PAH: variants seen among roughly 807,000 people sequenced by gnomAD.
PAH encodes phenylalanine-4-hydroxylase.
A neutral mutation model predicts 62.0 loss-of-function variants in PAH; 64 were observed. That is an observed-to-expected ratio of 1.03 (90% confidence interval 0.84 to 1.27). The LOEUF (loss-of-function observed/expected upper bound fraction) is 1.27. Among genes scored for constraint, PAH ranks in the 50% most tolerant of loss-of-function variants. The pLI, the probability that PAH is intolerant of heterozygous loss-of-function variation, is 0.00. For missense variants in PAH, 579 were observed against 542.8 expected, an observed-to-expected ratio of 1.07 and a Z score of -0.66; for synonymous variants, 195 against 196.2, an observed-to-expected ratio of 0.99 and a Z score of 0.05.
chr12:102,956,581 C>G (rs988806542), intron 1 of PAH, among the ~76,000 whole-genome samples: 7 of 152,184 alleles, frequency 4.6e-5, no homozygotes, highest in African/African-American at 1.7e-4. Flanking sequence ...GCCGAAGAAC[C>G]AGGAATCCCC....
intron 4 of PAH, among the ~76,000 whole-genome samples, chr12:102,869,973 T>G (rs904658168): frequency 6.6e-6 from 1 of 152,220 alleles, no homozygotes; most frequent in Non-Finnish European, 1.5e-5. Flanking sequence ...GCAGCAATTT[T>G]AGTTGCACTG....
At chr12:102,881,967 G>A (rs1876828573) in intron 3 of PAH, among the ~76,000 whole-genome samples, 1 of 152,122 alleles carries the variant, frequency 6.6e-6, no homozygotes, top group Non-Finnish European at 1.5e-5. Flanking sequence ...TTTCCTTTGA[G>A]TATATACTCA....
At chr12:102,932,659 A>G (rs1878927673) in intron 1 of PAH, among the ~76,000 whole-genome samples, 1 of 152,246 alleles carries the variant, frequency 6.6e-6, no homozygotes, top group South Asian at 2.1e-4. Flanking sequence ...ACAGGTGTAT[A>G]TAGAACATCT....
At chr12:102,854,928 T>C (rs966041829) in intron 6 of PAH, 4 of 632,864 alleles carry the variant, frequency 6.3e-6, no homozygotes, top group Non-Finnish European at 1.2e-5. Flanking sequence ...AGGTGTTTGA[T>C]TGAATGAAAG....
intron 4 of PAH, among the ~76,000 whole-genome samples, chr12:102,870,641 A>G (rs1034842717): frequency 6.6e-6 from 1 of 152,210 alleles, no homozygotes; most frequent in Non-Finnish European, 1.5e-5. Flanking sequence ...CATCTACAGA[A>G]TTCTTACCTT....
intron 3 of PAH, among the ~76,000 whole-genome samples, chr12:102,878,825 C>A (rs766541241): frequency 1.3e-5 from 2 of 152,116 alleles, no homozygotes; most frequent in Non-Finnish European, 2.9e-5. Context: ...CTATTTCTGA[C>A]GTACCTTCAA....
At chr12:102,878,754 T>C (rs1246362596) in intron 3 of PAH, among the ~76,000 whole-genome samples, 1 of 152,040 alleles carries the variant, frequency 6.6e-6, no homozygotes, top group Non-Finnish European at 1.5e-5. Flanking sequence ...CCTGGTTGTG[T>C]TAACATTTAA....
intron 6 of PAH, among the ~76,000 whole-genome samples, chr12:102,854,026 A>C (rs1040473835): frequency 3.3e-5 from 5 of 152,120 alleles, no homozygotes; most frequent in Admixed American, 3.3e-4. Context: ...TATTATTCTT[A>C]TTATTGGCCA....
At chr12:102,878,099 A>G (rs2136680057) in intron 3 of PAH, among the ~76,000 whole-genome samples, 1 of 152,324 alleles carries the variant, frequency 6.6e-6, no homozygotes, top group Non-Finnish European at 1.5e-5. Context: ...TGCTGGGATT[A>G]CAGGCATGAG....
At chr12:102,924,788 A>C (rs1878642206) in intron 1 of PAH, among the ~76,000 whole-genome samples, 1 of 152,018 alleles carries the variant, frequency 6.6e-6, no homozygotes, top group Admixed American at 6.6e-5. Flanking sequence ...ACCTGGATCT[A>C]CTCTGCATTA....
chr12:102,839,404 C>A (rs536485041), intron 12 of PAH, among the ~76,000 whole-genome samples, 186 bp from the exon 13 acceptor site: 2 of 152,336 alleles, frequency 1.3e-5, no homozygotes, highest in Admixed American at 1.3e-4. Flanking sequence ...AATGCCAGAG[C>A]CATTAATGTA....
intron 1 of PAH, among the ~76,000 whole-genome samples, chr12:102,944,737 G>A (rs1879427861): frequency 6.6e-6 from 1 of 152,286 alleles, no homozygotes; most frequent in African/African-American, 2.4e-5. Context: ...CTCTGTCTCT[G>A]CAGCATTGGT....
upstream of PAH, among the ~76,000 whole-genome samples, chr12:102,920,599 G>A (rs1878526933): frequency 1.3e-5 from 2 of 152,060 alleles, no homozygotes. Flanking sequence ...CCCTTCTCTT[G>A]TTTTTTTATT....
chr12:102,888,682 T>A (rs1246176286), intron 3 of PAH, among the ~76,000 whole-genome samples: 1 of 151,646 alleles, frequency 6.6e-6, no homozygotes, highest in Non-Finnish European at 1.5e-5. Flanking sequence ...TGGTGTCACC[T>A]CCCCCTGAAT....
At chr12:102,902,343 T>C (rs1877795786) in intron 2 of PAH, among the ~76,000 whole-genome samples, 1 of 152,192 alleles carries the variant, frequency 6.6e-6, no homozygotes, top group South Asian at 2.1e-4. Flanking sequence ...CTTTGTTTGG[T>C]TTTCACTCTG....
chr12:102,912,724 C>T, intron 2 of PAH, 67 bp downstream of exon 2: 1 of 1,129,014 alleles, frequency 8.9e-7, no homozygotes, highest in Non-Finnish European at 1.4e-6. Context: ...TTCATTGCAT[C>T]TAACTAGAAA....
At chr12:102,839,335 C>T (rs1874490303) in intron 12 of PAH, 117 bp from the exon 13 acceptor site, 1 of 935,928 alleles carries the variant, frequency 1.1e-6, no homozygotes, top group Non-Finnish European at 1.7e-6. Flanking sequence ...CTGGGTGCCA[C>T]CCCAACTTTC....
At chr12:102,894,014 G>A (rs563552489) in intron 3 of PAH, among the ~76,000 whole-genome samples, 50 of 152,316 alleles carry the variant, frequency 3.3e-4, no homozygotes, top group African/African-American at 1.1e-3. Flanking sequence ...GGAGCCAGGT[G>A]TCTCCAGCTC....
chr12:102,901,603 T>A (rs2136711125), intron 2 of PAH, among the ~76,000 whole-genome samples: 1 of 152,282 alleles, frequency 6.6e-6, no homozygotes, highest in East Asian at 1.9e-4. Flanking sequence ...TTTTTTAATT[T>A]TTTTTTTGAG....
Sources: gnomAD v4.1 joint callset for allele counts (sites outside exome capture counted in the v4.1 genomes callset) on GRCh38, gnomAD v4.1.1 for gene constraint, MANE v1.5 for transcripts, NCBI Gene and HGNC (gene_info 2026-07-23, HGNC 2026-07-21) for gene names.